The following HSD17B12 variants were observed in gnomAD, a reference collection of about 807,000 sequenced individuals.
The protein encoded by HSD17B12 is hydroxysteroid 17-beta dehydrogenase 12, also known as very-long-chain 3-oxoacyl-CoA reductase.
HSD17B12 carries 32 observed loss-of-function variants against 39.3 expected under a neutral mutation model. The ratio of observed to expected loss-of-function variants is 0.81; its 90% CI spans 0.61 to 1.09. HSD17B12 has a LOEUF of 1.09. Ranked by LOEUF, HSD17B12 falls within the 50% of genes least tolerant of loss-of-function variation. The pLI is 0.00. For synonymous variants in HSD17B12, 150 were observed against 146.7 expected, an observed-to-expected ratio of 1.02 and a Z score of -0.16; for missense variants, 342 against 382.9, an observed-to-expected ratio of 0.89 and a Z score of 0.89.
At chr11:43,755,723 A>G (rs893001691) in intron 3 of HSD17B12, among the ~76,000 whole-genome samples, 1 of 152,176 alleles carries the variant, frequency 6.6e-6, no homozygotes, top group Non-Finnish European at 1.5e-5. Context: ...GATTCTTCCA[A>G]CATACTTATG....
the HSD17B12 span, among the ~76,000 whole-genome samples, chr11:43,581,921 C>T: frequency 1.3e-5 from 2 of 152,172 alleles, no homozygotes; most frequent in African/African-American, 2.4e-5. This position sits in a 1 kb window ranked among gnomAD's most constrained non-coding sequence, Gnocchi z 4.9. Context: ...CCGTAATGAT[C>T]CGATTCTGCA....
the HSD17B12 span, among the ~76,000 whole-genome samples, chr11:43,635,568 A>G: frequency 6.6e-6 from 1 of 152,224 alleles, no homozygotes; most frequent in Non-Finnish European, 1.5e-5. Flanking sequence ...TTCTGAACCC[A>G]GGGGTTGGAG....
At chr11:43,577,332 G>C in the HSD17B12 span, among the ~76,000 whole-genome samples, 2 of 152,208 alleles carry the variant, frequency 1.3e-5, no homozygotes, top group Non-Finnish European at 2.9e-5. Context: ...GAGAGCTTTG[G>C]GGGGAAGGAG....
chr11:43,623,510 C>T, the HSD17B12 span, among the ~76,000 whole-genome samples: 1 of 151,514 alleles, frequency 6.6e-6, no homozygotes, highest in Non-Finnish European at 1.5e-5. Flanking sequence ...TATAATTGAA[C>T]AAATCTTATG....
At position 43,831,667 on chromosome 11, in the gene HSD17B12, A is replaced by G. The variant is rs1000129243; in HGVS notation, c.536+657A>G. The G allele has an allele frequency of 3.3e-5, 5 of 152,234 alleles. No individual in the cohort carries two copies. Among genetic ancestry groups the G allele is most frequent in the Admixed American group, 2.0e-4 (3 of 15,286 alleles). The allele number at this position is 152,234 out of a possible 1,614,324, so 9.4% of individuals were successfully genotyped here. On this transcript the variant is annotated intron_variant, in intron 7 of 10. Transcript: ENST00000278353. This position sits in a 1 kb window ranked among gnomAD's most constrained non-coding sequence, Gnocchi z 4.1. ...AAATCTGAATGATGTCTAGGCCTTC[A>G]AAGAAAAGCTGCTAAAAAGATTTGG...
At chr11:43,830,781 G>T in intron 6 of HSD17B12, 195 bp from the exon 7 acceptor site, 1 of 411,346 alleles carries the variant, frequency 2.4e-6, no homozygotes, top group Non-Finnish European at 4.4e-6. Flanking sequence ...GTTCTCTCCA[G>T]TAATTTCAGC....
chr11:43,679,550 T>C (rs1326200829), upstream of HSD17B12, among the ~76,000 whole-genome samples: 1 of 152,196 alleles, frequency 6.6e-6, no homozygotes, highest in African/African-American at 2.4e-5. Flanking sequence ...CCCATGCCTC[T>C]ATCTGGACTT....
intron 3 of HSD17B12, among the ~76,000 whole-genome samples, chr11:43,782,488 C>T (rs148461951): frequency 4.6e-5 from 7 of 152,214 alleles, no homozygotes; most frequent in African/African-American, 1.7e-4. Flanking sequence ...CAAGATGAGC[C>T]TGGTCAACAT....
intron 1 of HSD17B12, among the ~76,000 whole-genome samples, chr11:43,688,228 T>G (rs1011303965): frequency 6.6e-6 from 1 of 151,960 alleles, no homozygotes; most frequent in African/African-American, 2.4e-5. Flanking sequence ...AAAAAAAATT[T>G]AATGAATACA....
At chr11:43,789,723 T>C (rs1308788686) in intron 3 of HSD17B12, among the ~76,000 whole-genome samples, 1 of 152,082 alleles carries the variant, frequency 6.6e-6, no homozygotes, top group African/African-American at 2.4e-5. Flanking sequence ...TCATAGCAGG[T>C]AGATCACTTG....
chr11:43,713,294 A>G (rs1950087740), intron 1 of HSD17B12, among the ~76,000 whole-genome samples: 1 of 101,006 alleles, frequency 9.9e-6, no homozygotes. Context: ...CCACCCTACA[A>G]CAGGCCCCAG....
At chr11:43,847,886 T>G (rs1230169866) in intron 9 of HSD17B12, among the ~76,000 whole-genome samples, 1 of 152,058 alleles carries the variant, frequency 6.6e-6, no homozygotes, top group Admixed American at 6.5e-5. Context: ...AGAAAACAAA[T>G]AGGACAAATT....
chr11:43,840,929 A>C (rs1951419577), intron 9 of HSD17B12, among the ~76,000 whole-genome samples: 2 of 152,122 alleles, frequency 1.3e-5, no homozygotes, highest in South Asian at 4.1e-4. Flanking sequence ...TTCTGTTTTA[A>C]ATTTTTTGAA....
At chr11:43,587,403 A>G in the HSD17B12 span, among the ~76,000 whole-genome samples, 2 of 152,090 alleles carry the variant, frequency 1.3e-5, no homozygotes, top group South Asian at 2.1e-4. Flanking sequence ...AATTTTTTTC[A>G]TTGAGTCTCT....
intron 3 of HSD17B12, among the ~76,000 whole-genome samples, chr11:43,794,867 T>C: frequency 6.6e-6 from 1 of 152,180 alleles, no homozygotes; most frequent in East Asian, 1.9e-4. Context: ...TTTCAACTCC[T>C]ACTCTGGAAA....
intron 4 of HSD17B12, among the ~76,000 whole-genome samples, chr11:43,803,114 C>T (rs545420775): frequency 3.3e-4 from 50 of 152,220 alleles, no homozygotes; most frequent in Admixed American, 6.5e-4. Context: ...TCAAGATTTT[C>T]GATGGAACTA....
intron 1 of HSD17B12, among the ~76,000 whole-genome samples, chr11:43,714,599 T>C (rs11037577): frequency 0.5 from 76,167 of 151,726 alleles, 19,601 homozygotes; most frequent in Non-Finnish European, 0.53. Flanking sequence ...ATTGACTTGG[T>C]GATGCGGGCT....
At chr11:43,777,232 C>A (rs568218360) in intron 3 of HSD17B12, among the ~76,000 whole-genome samples, 1 of 152,288 alleles carries the variant, frequency 6.6e-6, no homozygotes, top group African/African-American at 2.4e-5. Context: ...TTCTTCCCAC[C>A]CATGAGCATG....
chr11:43,841,917 T>C (rs1156931728), intron 9 of HSD17B12, among the ~76,000 whole-genome samples: 2 of 152,210 alleles, frequency 1.3e-5, no homozygotes, highest in Admixed American at 1.3e-4. Context: ...CTAAACACTT[T>C]AATATGTATC....
Sources: allele counts gnomAD v4.1 joint callset (sites outside exome capture counted in the v4.1 genomes callset), GRCh38; gene constraint gnomAD v4.1.1; non-coding constraint Gnocchi (gnomAD v3.1); transcripts MANE v1.5; gene names NCBI Gene and HGNC (gene_info 2026-07-23, HGNC 2026-07-21).